The following PPARD variants were observed in gnomAD, a reference collection of about 807,000 sequenced individuals.
The protein encoded by PPARD is peroxisome proliferator activated receptor delta.
In PPARD, 6 loss-of-function variants were observed where a neutral mutation model predicts 39.5. The observed-to-expected ratio is 0.15, with a 90% confidence interval of 0.08 to 0.30. The LOEUF is 0.30. PPARD is among the 10% of genes least tolerant of loss of function. The pLI is 1.00. For missense variants in PPARD, 397 were observed against 596.8 expected (o/e 0.67, Z 3.49); for synonymous variants, 210 against 231.3 (o/e 0.91, Z 0.83).
rs1443260044 is a variant in PPARD at position 35,426,740 on chromosome 6, C to G, written c.*661C>G. The G allele has an allele frequency of 6.5e-6, 1 of 153,284 alleles. No individual in the cohort carries two copies. Among genetic ancestry groups the G allele is most frequent in the Non-Finnish European group, 1.5e-5 (1 of 68,776 alleles). 9.5% of individuals were successfully genotyped at this position (153,284 alleles called of 1,614,324 possible). A position where few individuals can be genotyped will look rare whatever the true frequency, so the allele number is the denominator to read the frequency against. Reference sequence around the variant, plus strand: ...CCCAGGCTGAGAGCCAGATGCCTCCCCAAGACTGTCATTGCCCCTCCGATG... The same window carrying G: ...CCCAGGCTGAGAGCCAGATGCCTCCGCAAGACTGTCATTGCCCCTCCGATG... On this transcript the variant is annotated 3_prime_UTR_variant, in exon 8 of 8. Coordinates refer to ENST00000360694, the MANE Select transcript of PPARD (RefSeq NM_006238.5).
chr6:35,370,990 T>C (rs1762454063), intron 2 of PPARD, among the ~76,000 whole-genome samples: 1 of 152,152 alleles, frequency 6.6e-6, no homozygotes, highest in Non-Finnish European at 1.5e-5. Flanking sequence ...TTCCAGGCCT[T>C]CCCCTACTCA....
At chr6:35,395,873 G>A (rs1764281025) in intron 2 of PPARD, among the ~76,000 whole-genome samples, 1 of 152,144 alleles carries the variant, frequency 6.6e-6, no homozygotes, top group Non-Finnish European at 1.5e-5. Context: ...TGGGGATAAT[G>A]GGTACCTGCC....
chr6:35,362,343 G>C (rs1562176197), intron 2 of PPARD, among the ~76,000 whole-genome samples: 1 of 152,076 alleles, frequency 6.6e-6, no homozygotes, highest in African/African-American at 2.4e-5. Context: ...CAGACTTGCA[G>C]AGGGTAGAGA....
rs1029480634 is a variant in PPARD, at chr6:35,420,258, G to A, written c.262G>A (p.Val88Ile). 1.3e-6 allele frequency: 2 copies of A among 1,590,012 alleles called. No homozygotes were observed. Among genetic ancestry groups the A allele is most frequent in the Admixed American group, 3.4e-5 (2 of 58,016 alleles). ...GDKASGFHYG[V>I]HACEGCKGFF... Reference sequence around the variant, plus strand: ...CAAGGCATCGGGCTTCCACTACGGTGTTCATGCATGTGAGGGGTGCAAGGT... The same window carrying A: ...CAAGGCATCGGGCTTCCACTACGGTATTCATGCATGTGAGGGGTGCAAGGT... The change falls in exon 4 of 8, where the codon GTT (valine) becomes ATT (isoleucine). Residue 88 changes from valine to isoleucine, a missense_variant. Val to Ile is a conservative substitution (Grantham distance 29). Transcript: ENST00000360694.
chr6:35,414,669 C>T (rs573691538), intron 3 of PPARD, among the ~76,000 whole-genome samples: 2 of 152,230 alleles, frequency 1.3e-5, no homozygotes, highest in African/African-American at 4.8e-5. Flanking sequence ...AGGTGAGAGT[C>T]AGTGGGGGTA....
At chr6:35,369,513 C>T (rs9658082) in intron 2 of PPARD, among the ~76,000 whole-genome samples, 1 of 152,218 alleles carries the variant, frequency 6.6e-6, no homozygotes, top group South Asian at 2.1e-4. Flanking sequence ...GCTTTCTCTA[C>T]GTACAGATTT....
chr6:35,361,564 T>C (rs779488447), intron 2 of PPARD, among the ~76,000 whole-genome samples: 1 of 152,202 alleles, frequency 6.6e-6, no homozygotes, highest in Non-Finnish European at 1.5e-5. Context: ...ATCTGAACAT[T>C]GGCCTGCGTA....
chr6:35,347,006 T>G, intron 1 of PPARD, 61 bp from the exon 2 acceptor site: 1 of 1,053,412 alleles, frequency 9.5e-7, no homozygotes, highest in Non-Finnish European at 1.4e-6. Flanking sequence ...CTTATTAGAG[T>G]TGCTTTGAGG....
In PPARD at chr6:35,414,904, C is replaced by T. The variant is rs1038948575; in HGVS notation, c.130+3687C>T. ...TCAACACCTGCCATGCACCTTCTCA[C>T]CCTCCCCCCAGCCAGGCAGGACAGA... is the stretch of plus-strand genomic sequence containing the variant. On this transcript the variant is annotated intron_variant, in intron 3 of 7. Coordinates refer to ENST00000360694, the MANE Select transcript of PPARD (RefSeq NM_006238.5). Among the ~76,000 whole-genome samples the T allele has an allele frequency of 3.3e-5, 5 of 152,120 alleles. No individual in the cohort carries two copies. The South Asian group carries it at 1.0e-3, about 32-fold the overall frequency.
chr6:35,348,312 A>T (rs1282832528), intron 2 of PPARD: 1 of 976,382 alleles, frequency 1.0e-6, no homozygotes, highest in African/African-American at 1.8e-5. Context: ...GTTTGCTGGT[A>T]TATATGAGAG....
rs9658144 is a variant in PPARD at position 35,412,356 on chromosome 6, G to A, written c.130+1139G>A. ...CTCAGGGTCATAAGGATATACTGCT[G>A]GGAGTAGACACCCTGCACTCGCTGC... On this transcript the variant is annotated intron_variant, in intron 3 of 7. Coordinates refer to ENST00000360694, the MANE Select transcript of PPARD (RefSeq NM_006238.5). This position sits in a 1 kb window ranked among gnomAD's most constrained non-coding sequence, Gnocchi z 4.1. 1.8e-4 allele frequency among the ~76,000 whole-genome samples: 28 copies of A among 152,336 alleles called. No homozygotes were observed. The South Asian group carries it at 5.8e-3, about 32-fold the overall frequency.
intron 2 of PPARD, among the ~76,000 whole-genome samples, chr6:35,376,525 A>G (rs1762823558): frequency 6.6e-6 from 1 of 151,354 alleles, no homozygotes. Context: ...TCCAGGAGGG[A>G]TTCTCTTTTC....
At chr6:35,364,319 T>G (rs1236475615) in intron 2 of PPARD, among the ~76,000 whole-genome samples, 1 of 152,244 alleles carries the variant, frequency 6.6e-6, no homozygotes, top group African/African-American at 2.4e-5. Flanking sequence ...TTGTTTCCAT[T>G]TTTTGACTGC....
intron 2 of PPARD, among the ~76,000 whole-genome samples, chr6:35,403,038 T>G (rs115851645): frequency 6.6e-6 from 1 of 152,122 alleles, no homozygotes; most frequent in Non-Finnish European, 1.5e-5. Context: ...GGGAGGAAGG[T>G]TTAGGCCCTT....
rs1027750365 is a variant in PPARD at position 35,426,434 on chromosome 6, T to C, written c.*355T>C. The C allele has an allele frequency of 3.1e-6, 1 of 320,544 alleles. No individual in the cohort carries two copies. The highest frequency in any genetic ancestry group is 2.2e-5 in the African/African-American group (1 of 46,364). The allele number at this position is 320,544 out of a possible 1,614,324, so 19.9% of individuals were successfully genotyped here. A position where few individuals can be genotyped will look rare whatever the true frequency, so the allele number is the denominator to read the frequency against. Reference sequence around the variant, plus strand: ...TCCTCCTTTCTTATTCTGTGAGATGTTTTGTATTATTTCACCAGCAGCATA... The same window carrying C: ...TCCTCCTTTCTTATTCTGTGAGATGCTTTGTATTATTTCACCAGCAGCATA... On this transcript the variant is annotated 3_prime_UTR_variant, in exon 8 of 8. Transcript: ENST00000360694.
chr6:35,412,834 C>T lies in PPARD; in HGVS notation c.130+1617C>T, dbSNP rs952464548. 1.1e-4 allele frequency among the ~76,000 whole-genome samples: 16 copies of T among 152,168 alleles called. No individual in the cohort carries two copies. Among genetic ancestry groups the T allele is most frequent in the Non-Finnish European group, 2.1e-4 (14 of 68,030 alleles). Reference sequence around the variant, plus strand: ...ACTGGGATGGCTTTGGAGACACAGCCTGTCTCAGAAGAGAGGAACAGCTAA... The same window carrying T: ...ACTGGGATGGCTTTGGAGACACAGCTTGTCTCAGAAGAGAGGAACAGCTAA... On this transcript the variant is annotated intron_variant, in intron 3 of 7. Coordinates refer to ENST00000360694, the MANE Select transcript of PPARD (RefSeq NM_006238.5). The surrounding 1 kb of genome is among the most constrained non-coding windows in gnomAD (Gnocchi z 4.1).
intron 2 of PPARD, among the ~76,000 whole-genome samples, chr6:35,351,561 G>A (rs1761250771): frequency 6.6e-6 from 1 of 151,118 alleles, no homozygotes; most frequent in Non-Finnish European, 1.5e-5. Context: ...TCTTTTGTTT[G>A]ATTTTGTCTG....
chr6:35,365,737 C>A (rs1463240858), intron 2 of PPARD, among the ~76,000 whole-genome samples: 1 of 151,670 alleles, frequency 6.6e-6, no homozygotes, highest in African/African-American at 2.4e-5. Flanking sequence ...ATGATTTGCT[C>A]ATCTCGGCCT....
chr6:35,380,493 T>G lies in PPARD; in HGVS notation c.-101-30494T>G, dbSNP rs1242751731. Reference sequence around the variant, plus strand: ...TTTTGTTTGTTTTTTTTTTTTTTTTTTTTTTTTTTTTTTGAGACAAGGTCT... The same window carrying G: ...TTTTGTTTGTTTTTTTTTTTTTTTTGTTTTTTTTTTTTTGAGACAAGGTCT... On this transcript the variant is annotated intron_variant, in intron 2 of 7. Transcript: ENST00000360694. Among the ~76,000 whole-genome samples, 247 of 130,896 alleles carry G rather than the reference T, an allele frequency of 1.9e-3. 2 individuals carry two copies. Among genetic ancestry groups the G allele is most frequent in the African/African-American group, 7.8e-3 (228 of 29,080 alleles). The allele number at this position is 130,896 out of a possible 152,430, so 85.9% of individuals were successfully genotyped here.
Sources: allele counts gnomAD v4.1 joint callset (sites outside exome capture counted in the v4.1 genomes callset), GRCh38; gene constraint gnomAD v4.1.1; non-coding constraint Gnocchi (gnomAD v3.1); transcripts MANE v1.5; gene names NCBI Gene and HGNC (gene_info 2026-07-23, HGNC 2026-07-21).